The following CNTN4 variants were observed in gnomAD, a reference collection of about 807,000 sequenced individuals.
The protein encoded by CNTN4 is contactin 4.
In CNTN4, 77 loss-of-function variants were observed where a neutral mutation model predicts 122.5. That is an observed-to-expected ratio of 0.63 (90% CI 0.52 to 0.76). The LOEUF (loss-of-function observed/expected upper bound fraction) is 0.76, where lower values mean the gene tolerates loss of function less well. CNTN4 is among the 30% of genes least tolerant of loss of function. The pLI, the probability that CNTN4 is intolerant of heterozygous loss-of-function variation, is 0.00. For synonymous variants in CNTN4, 512 were observed against 447.0 expected, an observed-to-expected ratio of 1.15 and a Z score of -1.83; for missense variants, 1,256 against 1,259.1, an observed-to-expected ratio of 1.00 and a Z score of 0.04.
rs148012690 is a variant in CNTN4, at chr3:2,528,946, G to A, written c.-88-42470G>A. Among the ~76,000 whole-genome samples, 194 of 152,080 alleles carry A rather than the reference G, an allele frequency of 1.3e-3. 3 individuals are homozygous for A. The highest frequency in any genetic ancestry group is 1.4e-3 in the Non-Finnish European group (92 of 67,974). On this transcript the variant is annotated intron_variant, in intron 3 of 24. Transcript: ENST00000418658. ...TCACCTCAACATTCATCATTTCTTT[G>A]TGTTGAGAACATTCAAAATCCTCTC...
intron 3 of CNTN4, among the ~76,000 whole-genome samples, chr3:2,499,368 T>C (rs1480090903): frequency 6.6e-6 from 1 of 152,162 alleles, no homozygotes; most frequent in African/African-American, 2.4e-5. Context: ...AGAGTTTATT[T>C]TGGAGGATAT....
rs34854370 is a variant in CNTN4, at chr3:3,051,043, G to A, written c.2812-2764G>A. ...AATTCATAAACTTTCTTAAAACATC[G>A]TAAGATGTTTTTTGCAATTTTTTAA... On this transcript the variant is annotated intron_variant, in intron 23 of 24. Coordinates refer to ENST00000418658, the MANE Select transcript of CNTN4 (RefSeq NM_175607.3). Among the ~76,000 whole-genome samples the A allele has an allele frequency of 1.6e-4, 24 of 152,162 alleles. No homozygotes were observed. In the South Asian group the frequency reaches 4.4e-3, roughly 28 times the overall value.
At chr3:2,530,599 C>T (rs1196951478) in intron 3 of CNTN4, among the ~76,000 whole-genome samples, 2 of 152,126 alleles carry the variant, frequency 1.3e-5, no homozygotes, top group African/African-American at 2.4e-5. Context: ...TAAGCCACCG[C>T]ACCTGGCCTC....
chr3:2,972,585 G>A (rs1577456614), intron 13 of CNTN4, among the ~76,000 whole-genome samples: 2 of 152,114 alleles, frequency 1.3e-5, no homozygotes, highest in Admixed American at 6.5e-5. Flanking sequence ...TGTTGCTCGA[G>A]GTTATCAGTG....
intron 14 of CNTN4, among the ~76,000 whole-genome samples, chr3:3,024,397 A>C (rs1013397467): frequency 6.6e-5 from 10 of 151,092 alleles, no homozygotes; most frequent in East Asian, 3.9e-4. Context: ...AAAAAAAAAA[A>C]AAAAAAAAAA....
chr3:2,565,771 CT>C (rs1252267580), intron 3 of CNTN4, among the ~76,000 whole-genome samples: 6 of 152,142 alleles, frequency 3.9e-5, no homozygotes, highest in African/African-American at 1.4e-4. Context: ...CCTATTTAAT[CT>C]CTTGCTTTCA....
chr3:2,405,452 A>G (rs1559523969), intron 3 of CNTN4, among the ~76,000 whole-genome samples: 1 of 152,202 alleles, frequency 6.6e-6, no homozygotes, highest in Non-Finnish European at 1.5e-5. Context: ...GTAAGAGTGC[A>G]TGTCAAAGGA....
At chr3:2,536,498 A>G (rs187761733) in intron 3 of CNTN4, among the ~76,000 whole-genome samples, 22 of 152,262 alleles carry the variant, frequency 1.4e-4, no homozygotes, top group African/African-American at 5.3e-4. Context: ...TCTCAAGTAT[A>G]TATCATAAAA....
At chr3:2,505,408 A>C (rs1424348370) in intron 3 of CNTN4, among the ~76,000 whole-genome samples, 2 of 152,122 alleles carry the variant, frequency 1.3e-5, no homozygotes, top group Non-Finnish European at 1.5e-5. Flanking sequence ...GGGAAATGGG[A>C]ATTCAGATGA....
intron 2 of CNTN4, among the ~76,000 whole-genome samples, chr3:2,321,447 A>G (rs1378992809): frequency 6.6e-6 from 1 of 152,148 alleles, no homozygotes; most frequent in Non-Finnish European, 1.5e-5. Context: ...TACTTAGTAA[A>G]TAGCTCCCAA....
intron 3 of CNTN4, among the ~76,000 whole-genome samples, chr3:2,515,218 G>A (rs2077006691): frequency 6.6e-6 from 1 of 152,126 alleles, no homozygotes. Context: ...GACCCAGAAA[G>A]TTATGCTGCA....
intron 3 of CNTN4, among the ~76,000 whole-genome samples, chr3:2,375,362 C>A (rs1289661726): frequency 1.3e-5 from 2 of 152,168 alleles, no homozygotes; most frequent in African/African-American, 2.4e-5. Flanking sequence ...TCATTTCTTT[C>A]TTTTTCTTTC....
At chr3:2,902,174 G>T (rs1343784413) in intron 11 of CNTN4, among the ~76,000 whole-genome samples, 1 of 152,106 alleles carries the variant, frequency 6.6e-6, no homozygotes, top group Non-Finnish European at 1.5e-5. Context: ...ATGTAGAATG[G>T]CAGGTCTCCT....
At chr3:2,201,979 A>G (rs1421983650) in intron 2 of CNTN4, among the ~76,000 whole-genome samples, 1 of 152,170 alleles carries the variant, frequency 6.6e-6, no homozygotes, top group African/African-American at 2.4e-5. Flanking sequence ...AAAATATATT[A>G]AAAAGGCTTA....
At chr3:2,249,086 A>G (rs1031869944) in intron 2 of CNTN4, among the ~76,000 whole-genome samples, 2 of 151,924 alleles carry the variant, frequency 1.3e-5, no homozygotes, top group African/African-American at 4.8e-5. Context: ...CATATATTGA[A>G]ACATCACTAT....
At chr3:2,353,961 A>G (rs1024094931) in intron 3 of CNTN4, among the ~76,000 whole-genome samples, 7 of 152,236 alleles carry the variant, frequency 4.6e-5, no homozygotes, top group Non-Finnish European at 7.3e-5. Context: ...CTTGATGACA[A>G]TGATGACAGC....
intron 6 of CNTN4, among the ~76,000 whole-genome samples, chr3:2,811,649 G>T (rs954757873): frequency 8.0e-5 from 12 of 150,026 alleles, no homozygotes; most frequent in Non-Finnish European, 1.2e-4. Context: ...CCAACAAACT[G>T]GGGTAATTAA....
chr3:2,397,486 G>A (rs1219711559), intron 3 of CNTN4, among the ~76,000 whole-genome samples: 5 of 150,486 alleles, frequency 3.3e-5, no homozygotes, highest in Non-Finnish European at 7.4e-5. Context: ...CTCCTTTTAG[G>A]TGCAAGTTTT....
At chr3:2,795,923 C>G (rs1348866136) in intron 6 of CNTN4, among the ~76,000 whole-genome samples, 2 of 152,120 alleles carry the variant, frequency 1.3e-5, no homozygotes, top group Non-Finnish European at 2.9e-5. Flanking sequence ...TGTGAGTAAT[C>G]TTTTCATTAC....
Sources: gnomAD v4.1 joint callset for allele counts (sites outside exome capture counted in the v4.1 genomes callset) on GRCh38, gnomAD v4.1.1 for gene constraint, MANE v1.5 for transcripts, NCBI Gene and HGNC (gene_info 2026-07-23, HGNC 2026-07-21) for gene names.